PTCHD4: variants seen among roughly 807,000 people sequenced by gnomAD.
PTCHD4 encodes the protein patched domain containing 4.
A neutral mutation model predicts 58.1 loss-of-function variants in PTCHD4; 33 were observed. The observed-to-expected ratio is 0.57, with a 90% CI of 0.43 to 0.76. The LOEUF (loss-of-function observed/expected upper bound fraction) is 0.76. Among genes scored for constraint, PTCHD4 ranks in the 30% least tolerant of loss-of-function variants. The pLI, the probability that PTCHD4 is intolerant of heterozygous loss-of-function variation, is 0.00. For missense variants in PTCHD4, 1,058 were observed against 1,027.1 expected (o/e 1.03, Z -0.41); for synonymous variants, 478 against 409.6 (o/e 1.17, Z -2.02).
At chr6:48,011,177 T>G (rs4715058) in intron 3 of PTCHD4, among the ~76,000 whole-genome samples, 97,370 of 151,946 alleles carry the variant, frequency 0.64, 31,439 homozygotes, top group East Asian at 0.78. Flanking sequence ...ATGGTTGAAC[T>G]AATTTACACT....
chr6:48,038,459 T>C (rs1763725463), intron 3 of PTCHD4, among the ~76,000 whole-genome samples: 1 of 151,606 alleles, frequency 6.6e-6, no homozygotes, highest in African/African-American at 2.4e-5. Context: ...CTGGCAAACA[T>C]GGTGAAACCC....
intron 3 of PTCHD4, among the ~76,000 whole-genome samples, chr6:48,026,144 G>A (rs1389030037): frequency 2.0e-5 from 3 of 152,130 alleles, no homozygotes; most frequent in Non-Finnish European, 4.4e-5. Context: ...CTTTCTGGTA[G>A]CAAGCTTCTT....
In PTCHD4 at chr6:47,937,253, C is replaced by T. The variant is rs912106287; in HGVS notation, c.899-57317G>A. ...ATAATAAACTGTAACAGGGCAAGAG[C>T]GGAAGTAGAGAGACTAGTCAGGAAA... On this transcript the variant is annotated intron_variant, in intron 4 of 4. Coordinates refer to ENST00000339488, the MANE Select transcript of PTCHD4 (RefSeq NM_001384253.1). Among the ~76,000 whole-genome samples the T allele has an allele frequency of 2.6e-5, 4 of 152,006 alleles. No homozygotes were observed. In the East Asian group the frequency reaches 5.8e-4, roughly 22 times the overall value.
intron 4 of PTCHD4, among the ~76,000 whole-genome samples, chr6:47,992,027 A>G (rs530235755): frequency 6.6e-5 from 10 of 152,274 alleles, no homozygotes; most frequent in Non-Finnish European, 1.0e-4. Context: ...TAAGAGATAA[A>G]AAATCATTAG....
chr6:47,910,743 G>T (rs1765043262), intron 4 of PTCHD4, among the ~76,000 whole-genome samples: 1 of 151,594 alleles, frequency 6.6e-6, no homozygotes, highest in Non-Finnish European at 1.5e-5. Context: ...CTCTTCTCTT[G>T]GTAAGAGATA....
At chr6:47,880,151 A>G (rs1763978262) in intron 4 of PTCHD4, among the ~76,000 whole-genome samples, 1 of 152,202 alleles carries the variant, frequency 6.6e-6, no homozygotes, top group African/African-American at 2.4e-5. Context: ...ATATTCTGGG[A>G]AAAATGAAAC....
intron 1 of PTCHD4, among the ~76,000 whole-genome samples, chr6:48,070,584 T>C (rs989842684): frequency 6.6e-6 from 1 of 152,212 alleles, no homozygotes; most frequent in African/African-American, 2.4e-5. Context: ...TTCTACTGAG[T>C]GCAGGAATAG....
intron 3 of PTCHD4, among the ~76,000 whole-genome samples, chr6:48,009,751 A>G (rs1762602132): frequency 6.6e-6 from 1 of 152,274 alleles, no homozygotes; most frequent in African/African-American, 2.4e-5. Flanking sequence ...TTCATACATT[A>G]CAATGCTCTC....
chr6:47,953,527 A>G (rs907709274), intron 4 of PTCHD4, among the ~76,000 whole-genome samples: 2 of 152,180 alleles, frequency 1.3e-5, no homozygotes, highest in African/African-American at 4.8e-5. Context: ...TATAGTATGA[A>G]CATAAGATGA....
rs577880649 is a variant in PTCHD4, at chr6:47,959,206, G to C, written c.898+49428C>G. On this transcript the variant is annotated intron_variant, in intron 4 of 4. Coordinates refer to ENST00000339488, the MANE Select transcript of PTCHD4 (RefSeq NM_001384253.1). The stretch of plus-strand genomic sequence containing the variant: ...CAGTTATTATAACTGTATTTTGTAT[G>C]CTCAAGAAGTTAAACAGACATGATG... 3.9e-5 allele frequency among the ~76,000 whole-genome samples: 6 copies of C among 152,284 alleles called. No individual in the cohort carries two copies. In the South Asian group the frequency reaches 1.2e-3, roughly 32 times the overall value.
At chr6:48,082,926 G>A (rs1428173619) in intron 1 of PTCHD4, among the ~76,000 whole-genome samples, 1 of 151,606 alleles carries the variant, frequency 6.6e-6, no homozygotes, top group Non-Finnish European at 1.5e-5. Flanking sequence ...GTACATGTTT[G>A]GCTTAGTTCC....
At chr6:47,986,320 G>C (rs1768060991) in intron 4 of PTCHD4, among the ~76,000 whole-genome samples, 1 of 151,986 alleles carries the variant, frequency 6.6e-6, no homozygotes, top group Non-Finnish European at 1.5e-5. Flanking sequence ...TTAACACCTG[G>C]TAAGTGTTCA....
chr6:47,937,078 G>C (rs1766027945), intron 4 of PTCHD4, among the ~76,000 whole-genome samples: 1 of 152,230 alleles, frequency 6.6e-6, no homozygotes, highest in Admixed American at 6.5e-5. Flanking sequence ...AGGTCAGATT[G>C]ACAGTGGAGT....
chr6:47,885,160 T>C (rs1236872079), intron 4 of PTCHD4, among the ~76,000 whole-genome samples: 1 of 152,194 alleles, frequency 6.6e-6, no homozygotes, highest in Admixed American at 6.5e-5. Context: ...ATATTTCCTT[T>C]AGCACAGTTT....
intron 4 of PTCHD4, among the ~76,000 whole-genome samples, chr6:47,983,825 G>A (rs150539169): frequency 1.9e-3 from 292 of 152,258 alleles, no homozygotes; most frequent in African/African-American, 6.8e-3. Flanking sequence ...ATTCTAGATT[G>A]TTGCATTTGC....
chr6:48,070,466 G>A (rs1017881302), intron 1 of PTCHD4, among the ~76,000 whole-genome samples: 16 of 152,032 alleles, frequency 1.1e-4, no homozygotes, highest in African/African-American at 3.6e-4. Flanking sequence ...CAGAAACAGC[G>A]ACAATGCTTA....
chr6:48,026,347 C>A (rs577600610), intron 3 of PTCHD4, among the ~76,000 whole-genome samples: 2 of 152,130 alleles, frequency 1.3e-5, no homozygotes, highest in Non-Finnish European at 2.9e-5. Context: ...CCCTTACTAA[C>A]GATATGTTTT....
chr6:47,858,480 A>G lies in PTCHD4; in HGVS notation c.*19823T>C, dbSNP rs1428147316. ...AAGTTATCACATCTCCCAAACAACTATCATTTATGATACTTTCAGAAGACT... is the reference window on the plus strand; with the variant it reads ...AAGTTATCACATCTCCCAAACAACTGTCATTTATGATACTTTCAGAAGACT... On this transcript the variant is annotated 3_prime_UTR_variant, in exon 5 of 5. Transcript: ENST00000339488. Among the ~76,000 whole-genome samples, 2 of 152,080 alleles carry G rather than the reference A, an allele frequency of 1.3e-5. No individual in the cohort carries two copies. Among genetic ancestry groups the G allele is most frequent in the East Asian group, 1.9e-4 (1 of 5,166 alleles).
At chr6:48,005,637 G>A (rs774440440) in intron 4 of PTCHD4, among the ~76,000 whole-genome samples, 12 of 152,184 alleles carry the variant, frequency 7.9e-5, no homozygotes, top group Admixed American at 2.0e-4. Flanking sequence ...ATGCAAAGCT[G>A]TGATTTTTCT....
Sources: allele counts gnomAD v4.1 joint callset (sites outside exome capture counted in the v4.1 genomes callset), GRCh38; gene constraint gnomAD v4.1.1; transcripts MANE v1.5; gene names NCBI Gene and HGNC (gene_info 2026-07-23, HGNC 2026-07-21).